EIF2AK1: variants seen among roughly 807,000 people sequenced by gnomAD.
The protein encoded by EIF2AK1 is eukaryotic translation initiation factor 2-alpha kinase 1.
In EIF2AK1, 54 loss-of-function variants were observed where a neutral mutation model predicts 77.9. The ratio of observed to expected loss-of-function variants is 0.69; its 90% CI spans 0.56 to 0.87. The LOEUF is 0.87. Ranked by LOEUF, EIF2AK1 falls within the 40% of genes least tolerant of loss-of-function variation. The pLI, the probability that EIF2AK1 is intolerant of heterozygous loss-of-function variation, is 0.00. For missense variants in EIF2AK1, 810 were observed against 768.6 expected, an observed-to-expected ratio of 1.05 and a Z score of -0.64; for synonymous variants, 314 against 290.5, an observed-to-expected ratio of 1.08 and a Z score of -0.82.
intron 11 of EIF2AK1, among the ~76,000 whole-genome samples, chr7:6,029,471 C>A (rs193226698): frequency 9.9e-4 from 149 of 149,882 alleles, no homozygotes; most frequent in Non-Finnish European, 1.2e-3. Flanking sequence ...CCAGCCTGGG[C>A]AACAAGAGCA....
intron 1 of EIF2AK1, among the ~76,000 whole-genome samples, chr7:6,056,613 A>AT (rs1554324681): frequency 0.12 from 5,311 of 43,544 alleles, 261 homozygotes; most frequent in Non-Finnish European, 0.14. Flanking sequence ...AAAAAAAAAA[A>AT]ATATATATAT....
At position 6,058,891 on chromosome 7, in the gene EIF2AK1, AG is replaced by A. The variant is rs1452646908; in HGVS notation, c.118+74del. 37 of 1,340,324 alleles carry A rather than the reference AG, an allele frequency of 2.8e-5. No homozygotes were observed. In the African/African-American group the frequency reaches 4.1e-4, roughly 15 times the overall value. The allele number at this position is 1,340,324 out of a possible 1,614,324, so 83.0% of individuals were successfully genotyped here. On this transcript the variant is annotated intron_variant, in intron 1 of 14. Transcript: ENST00000199389. ...TCGCCCAGGTCCTCAGGCAAACCTC[AG>A]GGCTGCCTTTGCCGCCCAGAAACGC...
At chr7:6,028,005 A>G (rs1020349396) in intron 13 of EIF2AK1, 2 of 452,920 alleles carry the variant, frequency 4.4e-6, no homozygotes, top group Admixed American at 2.4e-5. Context: ...GGAGGCTGCC[A>G]TGAGCTATGA....
At chr7:6,028,785 T>C in intron 12 of EIF2AK1, 88 bp from the exon 13 acceptor site, 1 of 1,438,180 alleles carries the variant, frequency 7.0e-7, no homozygotes, top group Non-Finnish European at 9.7e-7. Flanking sequence ...GTGTAGCTCC[T>C]AAGAGAACAA....
rs1787979263 is a variant in EIF2AK1, at chr7:6,033,627, G to A, written c.1332+3797C>T. ...GTTTTTTGAGACAGAGTCTCGCTCT[G>A]TCGCCCAGGCTGGAGTGCAGTGGCA... On this transcript the variant is annotated intron_variant, in intron 11 of 14. Transcript: ENST00000199389. The surrounding 1 kb of genome is among the most constrained non-coding windows in gnomAD (Gnocchi z 4.4). Among the ~76,000 whole-genome samples, 1 of 151,770 alleles carries A rather than the reference G, an allele frequency of 6.6e-6. No homozygotes were observed. Among genetic ancestry groups the A allele is most frequent in the South Asian group, 2.1e-4 (1 of 4,820 alleles).
chr7:6,023,095 T>C lies in EIF2AK1; in HGVS notation c.*1578A>G, dbSNP rs1432692077. On this transcript the variant is annotated 3_prime_UTR_variant, in exon 15 of 15. Coordinates refer to ENST00000199389, the MANE Select transcript of EIF2AK1 (RefSeq NM_014413.4). ...ATAATCAAATACCAGGAATGACTCT[T>C]TGGTTACTTTTTTAACATAGTTTGC... 4 of 580,302 alleles carry C rather than the reference T, an allele frequency of 6.9e-6. No homozygotes were observed. The highest frequency in any genetic ancestry group is 1.2e-5 in the Non-Finnish European group (4 of 346,352). The allele number at this position is 580,302 out of a possible 1,614,324, so 35.9% of individuals were successfully genotyped here.
intron 2 of EIF2AK1, among the ~76,000 whole-genome samples, chr7:6,050,627 G>T (rs1788582827): frequency 6.9e-6 from 1 of 145,296 alleles, no homozygotes; most frequent in Non-Finnish European, 1.5e-5. Context: ...TTTTGAGATG[G>T]AGTCTCACTC....
chr7:6,040,084 T>C (rs1160783669), intron 9 of EIF2AK1, among the ~76,000 whole-genome samples: 2 of 152,112 alleles, frequency 1.3e-5, no homozygotes, highest in African/African-American at 4.8e-5. Flanking sequence ...TTTAGTTTTA[T>C]TTTTTTATTT....
Position 6,027,457 on chromosome 7 carries a change from T to C in EIF2AK1, c.1531-496A>G, listed in dbSNP as rs187197754. Among the ~76,000 whole-genome samples the C allele has an allele frequency of 1.3e-5, 2 of 152,208 alleles. No individual in the cohort carries two copies. The highest frequency in any genetic ancestry group is 1.3e-4 in the Admixed American group (2 of 15,286). On this transcript the variant is annotated intron_variant, in intron 13 of 14. Transcript: ENST00000199389. The surrounding 1 kb of genome is among the most constrained non-coding windows in gnomAD (Gnocchi z 4.5). ...TAGGAAGGTCTTCACTAAACAAGAT[T>C]TTAGGGGCAGCCATCATTTTTTCTG... is the stretch of plus-strand genomic sequence containing the variant.
intron 4 of EIF2AK1, chr7:6,047,314 T>C (rs758446625): frequency 1.6e-6 from 1 of 636,840 alleles, no homozygotes; most frequent in Non-Finnish European, 2.9e-6. Flanking sequence ...ATTACCGATG[T>C]TGTACAGCAG....
chr7:6,044,583 C>T lies in EIF2AK1; in HGVS notation c.709G>A (p.Val237Ile), dbSNP rs748466300. 4.3e-6 allele frequency: 7 copies of T among 1,613,986 alleles called. No individual in the cohort carries two copies. Among genetic ancestry groups the T allele is most frequent in the East Asian group, 2.2e-5 (1 of 44,882 alleles). The change falls in exon 7 of 15, where the codon GTT becomes ATT. Residue 237 changes from valine to isoleucine, a missense_variant. Physicochemically the swap from Val to Ile is conservative, Grantham distance 29. Transcript: ENST00000199389. ...VGYHTAWIEH[V>I]HVIQPRADRA... ...TTACCTCGTGGCTGAATCACATGAA[C>T]ATGTTCTATCCACGCGGTGTGATAG...
chr7:6,057,862 T>A (rs918458132), intron 1 of EIF2AK1, among the ~76,000 whole-genome samples: 3 of 152,124 alleles, frequency 2.0e-5, no homozygotes, highest in Non-Finnish European at 4.4e-5. Context: ...ACTCCTGACC[T>A]CAGGTGATCC....
chr7:6,047,306 T>C (rs1788474672), intron 4 of EIF2AK1: 1 of 660,336 alleles, frequency 1.5e-6, no homozygotes, highest in Non-Finnish European at 2.8e-6. Flanking sequence ...TAGAAATTAT[T>C]ACCGATGTTG....
chr7:6,026,711 G>T lies in EIF2AK1; in HGVS notation c.1764+17C>A. On this transcript the variant is annotated intron_variant, in intron 14 of 14. Transcript: ENST00000199389. The stretch of plus-strand genomic sequence containing the variant: ...AACCACCTTCACTCCAGGACCAAGA[G>T]AAAGAAAAGCACATACATTTCCAGA... The T allele has an allele frequency of 6.2e-7, 1 of 1,603,710 alleles. No individual in the cohort carries two copies. Among genetic ancestry groups the T allele is most frequent in the Non-Finnish European group, 8.5e-7 (1 of 1,170,602 alleles).
intron 7 of EIF2AK1, 22 bp from the exon 8 acceptor site, chr7:6,043,015 T>C (rs1032133017): frequency 1.2e-6 from 2 of 1,613,188 alleles, no homozygotes; most frequent in East Asian, 2.2e-5. Flanking sequence ...CAAACAACAA[T>C]CATCTTCAAA....
At chr7:6,044,889 TG>T (rs1335560286) in intron 6 of EIF2AK1, among the ~76,000 whole-genome samples, 1 of 152,218 alleles carries the variant, frequency 6.6e-6, no homozygotes, top group African/African-American at 2.4e-5. Flanking sequence ...TAGATGATTC[TG>T]TCCAACTATT....
In EIF2AK1 at chr7:6,035,371, T is replaced by G; in HGVS notation, c.1332+2053A>C. ...TTACTTTAAATAAATACTGGCTTCT[T>G]AAGCATTAACTGTCCACGTAGAGCC... On this transcript the variant is annotated intron_variant, in intron 11 of 14. Coordinates refer to ENST00000199389, the MANE Select transcript of EIF2AK1 (RefSeq NM_014413.4). This position sits in a 1 kb window ranked among gnomAD's most constrained non-coding sequence, Gnocchi z 5.5. 2.2e-6 allele frequency: 3 copies of G among 1,346,010 alleles called. No homozygotes were observed. The highest frequency in any genetic ancestry group is 3.0e-6 in the Non-Finnish European group (3 of 988,104). 83.4% of individuals were successfully genotyped at this position (1,346,010 alleles called of 1,614,324 possible).
chr7:6,055,149 C>T (rs899806190), intron 1 of EIF2AK1, among the ~76,000 whole-genome samples: 2 of 151,750 alleles, frequency 1.3e-5, no homozygotes, highest in Non-Finnish European at 2.9e-5. Flanking sequence ...TTGAGACCAG[C>T]CTGACCAACA....
Position 6,046,084 on chromosome 7 carries a change from G to T in EIF2AK1, c.617C>A (p.Thr206Lys). 6.4e-7 allele frequency: 1 copy of T among 1,553,832 alleles called. No individual in the cohort carries two copies. The highest frequency in any genetic ancestry group is 8.7e-7 in the Non-Finnish European group (1 of 1,147,418). Residue 206 changes from threonine (T) to lysine (K), a missense_variant, in exon 6 of 15, where the codon ACA becomes AAA. Physicochemically the swap from Thr to Lys is moderately conservative, Grantham distance 78. Around this residue, in one of 3 missense-constraint regions of EIF2AK1, gnomAD observed 549 missense variants for 533.7 expected, o/e 1.03. Transcript: ENST00000199389. ...TAAAAATCATACCTTCATGCAAACTGTTTTAGTTGCACCCTTAATCAGGAT... is the reference window on the plus strand; with the variant it reads ...TAAAAATCATACCTTCATGCAAACTTTTTTAGTTGCACCCTTAATCAGGAT... ...KKILIKGATK[T>K]VCMKVLREVK... is the part of the protein sequence containing the mutation.
Sources: gnomAD v4.1 joint callset for allele counts (sites outside exome capture counted in the v4.1 genomes callset) on GRCh38, gnomAD v4.1.1 for gene constraint, gnomAD v4.1.1 regional missense constraint, Gnocchi (gnomAD v3.1) non-coding constraint, MANE v1.5 for transcripts, NCBI Gene and HGNC (gene_info 2026-07-23, HGNC 2026-07-21) for gene names.